Variants in MAST4 observed in about 807,000 individuals in gnomAD.
The protein encoded by MAST4 is microtubule associated serine/threonine kinase family member 4.
In MAST4, 89 loss-of-function variants were observed where a neutral mutation model predicts 162.7. The ratio of observed to expected loss-of-function variants is 0.55; its 90% CI spans 0.46 to 0.65. MAST4 has a LOEUF of 0.65. Ranked by LOEUF, MAST4 falls within the 30% of genes least tolerant of loss-of-function variation. The probability of loss-of-function intolerance (pLI) is 0.00; values close to 1 mark genes in which losing one functional copy is unlikely to be tolerated. For missense variants in MAST4, 3,153 were observed against 3,374.0 expected, an observed-to-expected ratio of 0.93 and a Z score of 1.62; for synonymous variants, 1,479 against 1,361.1, an observed-to-expected ratio of 1.09 and a Z score of -1.91.
At chr5:67,088,412 A>G (rs1343784038) in intron 5 of MAST4, among the ~76,000 whole-genome samples, 1 of 152,194 alleles carries the variant, frequency 6.6e-6, no homozygotes, top group East Asian at 1.9e-4. Flanking sequence ...ATGGTGTGTG[A>G]GCAAATTGAA....
At chr5:66,885,572 T>G (rs1178968410) in intron 3 of MAST4, among the ~76,000 whole-genome samples, 3 of 152,202 alleles carry the variant, frequency 2.0e-5, no homozygotes, top group Non-Finnish European at 4.4e-5. Flanking sequence ...TGTAAGAAGT[T>G]TGTTTTTCAT....
chr5:66,664,435 CA>C lies in MAST4; in HGVS notation c.363+67434del, dbSNP rs58704256. Among the ~76,000 whole-genome samples the C allele has an allele frequency of 2.1e-3, 199 of 93,898 alleles. 2 individuals are homozygous for C. The highest frequency in any genetic ancestry group is 9.7e-3 in the South Asian group (29 of 2,986). 61.6% of individuals were successfully genotyped at this position (93,898 alleles called of 152,430 possible). A position where few individuals can be genotyped will look rare whatever the true frequency, so the allele number is the denominator to read the frequency against. On this transcript the variant is annotated intron_variant, in intron 1 of 28. Transcript: ENST00000403625. ...GGGCAACAACAGTGAAACTCCATTT[CA>C]AAAAAAAAAAAAAAAAGAAAATAGA...
At position 67,158,476 on chromosome 5, in the gene MAST4, C is replaced by G. The variant is rs577014193; in HGVS notation, c.3649-1980C>G. On this transcript the variant is annotated intron_variant, in intron 26 of 28. Coordinates refer to ENST00000403625, the MANE Select transcript of MAST4 (RefSeq NM_001164664.2). ...AATCCCAGCTACTCAGAGGGTGAGG[C>G]AGGAGGATTGCTTGAGCCCAGGAGT... Among the ~76,000 whole-genome samples, 4 of 152,068 alleles carry G rather than the reference C, an allele frequency of 2.6e-5. No homozygotes were observed. The South Asian group carries it at 8.3e-4, about 32-fold the overall frequency.
At chr5:66,788,509 G>A (rs1408383090) in intron 2 of MAST4, among the ~76,000 whole-genome samples, 161 bp from the exon 3 acceptor site, 1 of 152,164 alleles carries the variant, frequency 6.6e-6, no homozygotes, top group Non-Finnish European at 1.5e-5. Flanking sequence ...GACTTAATTA[G>A]AACAAGTTTT....
At chr5:66,665,448 G>C (rs986234605) in intron 1 of MAST4, among the ~76,000 whole-genome samples, 6 of 152,176 alleles carry the variant, frequency 3.9e-5, no homozygotes, top group Admixed American at 1.3e-4. Flanking sequence ...TATATCTGCT[G>C]TAAGAATACT....
intron 4 of MAST4, chr5:66,963,870 ACT>A: frequency 2.6e-6 from 2 of 773,394 alleles, no homozygotes; most frequent in Admixed American, 1.7e-5. Context: ...ATTACTTCAG[ACT>A]CTGCAATCCA....
intron 5 of MAST4, among the ~76,000 whole-genome samples, chr5:67,073,020 T>C (rs1761162969): frequency 6.6e-6 from 1 of 152,240 alleles, no homozygotes; most frequent in African/African-American, 2.4e-5. Context: ...TGAGTATGTA[T>C]ATGTGTGTTT....
intron 7 of MAST4, among the ~76,000 whole-genome samples, chr5:67,099,187 T>C (rs1764752489): frequency 6.6e-6 from 1 of 152,064 alleles, no homozygotes; most frequent in South Asian, 2.1e-4. Context: ...ATTTTTTTCT[T>C]GATTTCTTGA....
At chr5:66,784,767 A>G (rs1161373448) in intron 2 of MAST4, among the ~76,000 whole-genome samples, 2 of 152,176 alleles carry the variant, frequency 1.3e-5, no homozygotes, top group African/African-American at 4.8e-5. Context: ...GTGACAGTAC[A>G]TTGACTGCTT....
chr5:66,643,163 C>T (rs1018286432), intron 1 of MAST4, among the ~76,000 whole-genome samples: 1 of 152,116 alleles, frequency 6.6e-6, no homozygotes, highest in Non-Finnish European at 1.5e-5. Context: ...AAGCTACTTG[C>T]AGGATAAACT....
chr5:66,663,268 G>A (rs1335781834), intron 1 of MAST4, among the ~76,000 whole-genome samples: 1 of 152,136 alleles, frequency 6.6e-6, no homozygotes, highest in Non-Finnish European at 1.5e-5. Context: ...TTTAGGAATG[G>A]TCTCCTTTGT....
intron 3 of MAST4, among the ~76,000 whole-genome samples, chr5:66,837,888 A>AT (rs1758112744): frequency 8.6e-5 from 3 of 34,944 alleles, no homozygotes; most frequent in African/African-American, 4.5e-4. Context: ...ATATATATAT[A>AT]TATATATTTT....
intron 4 of MAST4, among the ~76,000 whole-genome samples, chr5:66,957,423 G>C (rs954581742): frequency 6.6e-6 from 1 of 152,030 alleles, no homozygotes; most frequent in African/African-American, 2.4e-5. Flanking sequence ...CCGTCTTCCC[G>C]CCTCAACCTT....
At chr5:67,018,657 G>A (rs1451848110) in intron 4 of MAST4, among the ~76,000 whole-genome samples, 1 of 152,136 alleles carries the variant, frequency 6.6e-6, no homozygotes. Context: ...TGGAGGACTT[G>A]GAAGACATGT....
chr5:66,704,260 C>T (rs1283108287), intron 1 of MAST4, among the ~76,000 whole-genome samples: 1 of 152,138 alleles, frequency 6.6e-6, no homozygotes, highest in Non-Finnish European at 1.5e-5. Flanking sequence ...GTATCAAGTA[C>T]ATACTAAGTG....
intron 3 of MAST4, among the ~76,000 whole-genome samples, chr5:66,821,523 G>C (rs1259900262): frequency 6.6e-6 from 1 of 152,124 alleles, no homozygotes; most frequent in Non-Finnish European, 1.5e-5. Context: ...TGGTTCATTT[G>C]TATGTTACTT....
chr5:66,679,336 A>G (rs967788013), intron 1 of MAST4, among the ~76,000 whole-genome samples: 8 of 152,154 alleles, frequency 5.3e-5, no homozygotes, highest in Non-Finnish European at 1.2e-4. Flanking sequence ...GGTCAATTGC[A>G]TGTGGTTAAG....
chr5:66,696,968 A>G (rs1269021661), intron 1 of MAST4, among the ~76,000 whole-genome samples: 1 of 152,218 alleles, frequency 6.6e-6, no homozygotes, highest in Non-Finnish European at 1.5e-5. Context: ...TTTAAAAAAT[A>G]TTCTGCGTGA....
At chr5:67,109,630 G>A (rs75597524) in intron 10 of MAST4, among the ~76,000 whole-genome samples, 8 of 152,020 alleles carry the variant, frequency 5.3e-5, no homozygotes, top group East Asian at 1.9e-4. Context: ...ATTTATAGGC[G>A]AATCATATTG....
Sources: allele counts gnomAD v4.1 joint callset (sites outside exome capture counted in the v4.1 genomes callset), GRCh38; gene constraint gnomAD v4.1.1; transcripts MANE v1.5; gene names NCBI Gene and HGNC (gene_info 2026-07-23, HGNC 2026-07-21).